The following DCC variants were observed in gnomAD, a reference collection of about 807,000 sequenced individuals.
DCC encodes netrin receptor DCC.
Under a neutral mutation model 172.5 loss-of-function variants are expected in DCC, and 58 were observed. The ratio of observed to expected loss-of-function variants is 0.34; its 90% CI spans 0.27 to 0.42. The LOEUF (loss-of-function observed/expected upper bound fraction) is 0.42. Among genes scored for constraint, DCC ranks in the 10% least tolerant of loss-of-function variants. The pLI is 1.00. For synonymous variants in DCC, 709 were observed against 644.5 expected (o/e 1.10, Z -1.52); for missense variants, 1,740 against 1,791.0 (o/e 0.97, Z 0.51).
At chr18:52,446,609 C>T (rs1393866127) in intron 1 of DCC, among the ~76,000 whole-genome samples, 2 of 152,164 alleles carry the variant, frequency 1.3e-5, no homozygotes, top group Non-Finnish European at 2.9e-5. Context: ...ACATTACAGT[C>T]TACTTTGTGT....
chr18:52,988,903 A>G (rs1440371558), intron 5 of DCC, among the ~76,000 whole-genome samples: 1 of 152,042 alleles, frequency 6.6e-6, no homozygotes, highest in Non-Finnish European at 1.5e-5. Flanking sequence ...AAAACACTCC[A>G]GGTTTTTTAC....
At chr18:52,749,650 G>A (rs2036965118) in intron 1 of DCC, among the ~76,000 whole-genome samples, 1 of 150,872 alleles carries the variant, frequency 6.6e-6, no homozygotes, top group African/African-American at 2.4e-5. Flanking sequence ...TGTACTCACA[G>A]CACTGAAAAC....
intron 1 of DCC, among the ~76,000 whole-genome samples, chr18:52,403,475 T>A (rs1257582050): frequency 6.6e-6 from 1 of 152,030 alleles, no homozygotes; most frequent in African/African-American, 2.4e-5. Flanking sequence ...AATTGTGTTT[T>A]GATTCATGGC....
At chr18:52,759,021 A>G (rs1415019074) in intron 2 of DCC, 1 of 152,210 alleles carries the variant, frequency 6.6e-6, no homozygotes, top group East Asian at 1.9e-4. Flanking sequence ...ATTTAGCTAA[A>G]TGTTCCCATT....
intron 6 of DCC, 119 bp downstream of exon 6, chr18:53,063,578 A>C (rs1279103118): frequency 7.6e-6 from 6 of 785,188 alleles, no homozygotes; most frequent in Non-Finnish European, 1.2e-5. Flanking sequence ...GTGATGTGTT[A>C]AAAAAGTTAT....
chr18:53,175,986 A>G (rs1339516997), intron 8 of DCC, among the ~76,000 whole-genome samples: 1 of 151,794 alleles, frequency 6.6e-6, no homozygotes, highest in African/African-American at 2.4e-5. Flanking sequence ...AGAGATATAG[A>G]TCAATGGAAC....
intron 2 of DCC, among the ~76,000 whole-genome samples, chr18:52,760,366 G>A (rs181888044): frequency 1.6e-4 from 24 of 152,252 alleles, no homozygotes; most frequent in Middle Eastern, 3.4e-3. Flanking sequence ...ACAACACGTG[G>A]GGATTACAAT....
chr18:53,371,559 A>G (rs142815923), intron 15 of DCC, among the ~76,000 whole-genome samples: 2,384 of 152,118 alleles, frequency 0.016, 27 homozygotes, highest in Non-Finnish European at 0.024. Context: ...GGTTTTTAAA[A>G]GACAGAATAG....
In DCC at chr18:52,906,195, A is replaced by G; in HGVS notation, c.564A>G (p.Arg188=). The stretch of plus-strand genomic sequence containing the variant: ...TGACTCCAATCCCAGGTGACTCCCG[A>G]GTGGTGGTCTTGCCCTCTGGAGCAT... ...QDLTPIPGDS[R]VVVLPSGALQ... Residue 188 remains arginine, a synonymous_variant, in exon 3 of 29, where the codon CGA becomes CGG. Transcript: ENST00000442544. 1 of 1,613,918 alleles carries G rather than the reference A, an allele frequency of 6.2e-7. No individual in the cohort carries two copies. Among genetic ancestry groups the G allele is most frequent in the South Asian group, 1.1e-5 (1 of 91,060 alleles).
chr18:52,820,946 GA>G (rs1005224603), intron 2 of DCC, among the ~76,000 whole-genome samples: 4 of 151,892 alleles, frequency 2.6e-5, no homozygotes, highest in African/African-American at 7.3e-5. Context: ...CTCACCTGGA[GA>G]AAAAAAATTG....
Position 53,508,128 on chromosome 18 carries a change from T to C in DCC, c.4111+8618T>C, listed in dbSNP as rs554386866. ...CAGGATGGTCTCGATCTCCTGACCT[T>C]GTGATCTGCCCGCCTCGGCCTCCCA... On this transcript the variant is annotated intron_variant, in intron 27 of 28. Coordinates refer to ENST00000442544, the MANE Select transcript of DCC (RefSeq NM_005215.4). Among the ~76,000 whole-genome samples, 4 of 152,054 alleles carry C rather than the reference T, an allele frequency of 2.6e-5. No individual in the cohort carries two copies. In the East Asian group the frequency reaches 7.8e-4, roughly 29 times the overall value.
At chr18:53,317,428 G>A (rs1347775387) in intron 13 of DCC, among the ~76,000 whole-genome samples, 3 of 152,090 alleles carry the variant, frequency 2.0e-5, no homozygotes, top group African/African-American at 4.8e-5. Flanking sequence ...CAGGGATATC[G>A]GCTTGAAATT....
intron 15 of DCC, among the ~76,000 whole-genome samples, chr18:53,365,446 G>GA (rs34872630): frequency 0.047 from 6,258 of 132,466 alleles, 430 homozygotes; most frequent in African/African-American, 0.15. Context: ...TCATCCCACT[G>GA]AAAAAAAAAA....
At chr18:53,215,791 G>T (rs2055836940) in intron 12 of DCC, among the ~76,000 whole-genome samples, 194 bp downstream of exon 12, 1 of 152,108 alleles carries the variant, frequency 6.6e-6, no homozygotes, top group African/African-American at 2.4e-5. Context: ...TGAAATATTT[G>T]TCTACTTCTA....
At chr18:52,635,275 AG>A (rs1438468123) in intron 1 of DCC, among the ~76,000 whole-genome samples, 2 of 152,242 alleles carry the variant, frequency 1.3e-5, no homozygotes, top group Admixed American at 1.3e-4. Context: ...GCTTCACAAC[AG>A]TCCTTTGATG....
chr18:53,271,085 A>G (rs2056743046), intron 12 of DCC, among the ~76,000 whole-genome samples: 1 of 152,124 alleles, frequency 6.6e-6, no homozygotes, highest in South Asian at 2.1e-4. Context: ...TTTGCTACTC[A>G]CCACTGTGCT....
chr18:52,424,416 C>T (rs1328772708), intron 1 of DCC, among the ~76,000 whole-genome samples: 1 of 152,126 alleles, frequency 6.6e-6, no homozygotes, highest in Non-Finnish European at 1.5e-5. Context: ...TCAACCATAT[C>T]CCTTCTTCCC....
chr18:53,486,770 A>C (rs752111660), intron 25 of DCC, 27 bp from the exon 26 acceptor site: 1 of 1,614,142 alleles, frequency 6.2e-7, no homozygotes, highest in Non-Finnish European at 8.5e-7. Flanking sequence ...AAGGTTCAAA[A>C]AACCCATTAA....
At chr18:53,250,836 C>G (rs1598947328) in intron 12 of DCC, among the ~76,000 whole-genome samples, 1 of 151,948 alleles carries the variant, frequency 6.6e-6, no homozygotes, top group African/African-American at 2.4e-5. Context: ...ATCTCCACTT[C>G]CGTTATCTCC....
Sources: allele counts gnomAD v4.1 joint callset (sites outside exome capture counted in the v4.1 genomes callset), GRCh38; gene constraint gnomAD v4.1.1; transcripts MANE v1.5; gene names NCBI Gene and HGNC (gene_info 2026-07-23, HGNC 2026-07-21).